Variants in GABRR1 observed in about 807,000 individuals in gnomAD.
The protein encoded by GABRR1 is gamma-aminobutyric acid type A receptor subunit rho1, also known as gamma-aminobutyric acid receptor subunit rho-1.
In GABRR1, 59 loss-of-function variants were observed where a neutral mutation model predicts 55.5. That is an observed-to-expected ratio of 1.06 (90% CI 0.86 to 1.32). GABRR1 has a LOEUF of 1.32. Ranked by LOEUF, GABRR1 falls within the 40% of genes most tolerant of loss-of-function variation. The pLI, the probability that GABRR1 is intolerant of heterozygous loss-of-function variation, is 0.00. For missense variants in GABRR1, 602 were observed against 619.1 expected (o/e 0.97, Z 0.29); for synonymous variants, 213 against 226.0 (o/e 0.94, Z 0.51).
intron 1 of GABRR1, among the ~76,000 whole-genome samples, chr6:89,206,001 TAAAGGCCACG>T (rs1270932010): frequency 6.6e-6 from 1 of 150,958 alleles, no homozygotes; most frequent in East Asian, 2.0e-4. Flanking sequence ...CTGATGTGCA[TAAAGGCCACG>T]AAAGGCCAAC....
intron 2 of GABRR1, among the ~76,000 whole-genome samples, chr6:89,202,677 CCT>C (rs1429150330): frequency 2.0e-5 from 3 of 151,610 alleles, no homozygotes; most frequent in African/African-American, 4.9e-5. Flanking sequence ...TTAGTTATCC[CCT>C]CTTTATTTTA....
rs1431677084 is a variant in GABRR1, at chr6:89,190,221, A to G, written c.599T>C (p.Met200Thr). The G allele has an allele frequency of 6.2e-7, 1 of 1,610,150 alleles. No homozygotes were observed. Among genetic ancestry groups the G allele is most frequent in the Admixed American group, 1.7e-5 (1 of 59,474 alleles). Reference sequence around the variant, plus strand: ...GTCCAAGGGAAATCGGCTGAAGTCCATGTTGCACATTGCAGTTACTGTAAC... The same window carrying G: ...GTCCAAGGGAAATCGGCTGAAGTCCGTGTTGCACATTGCAGTTACTGTAAC... ...LRVTVTAMCN[M>T]DFSRFPLDTQ... The change falls in exon 6 of 10, where the codon ATG becomes ACG. Residue 200 changes from methionine to threonine, a missense_variant. Met to Thr is a moderately conservative substitution (Grantham distance 81). Coordinates refer to ENST00000454853, the MANE Select transcript of GABRR1 (RefSeq NM_002042.5).
chr6:89,223,179 A>T (rs1460989338), intron 1 of GABRR1, among the ~76,000 whole-genome samples: 1 of 152,068 alleles, frequency 6.6e-6, no homozygotes, highest in Non-Finnish European at 1.5e-5. Flanking sequence ...CCCATTTTGT[A>T]GTCTTTTTAT....
At position 89,178,122 on chromosome 6, in the gene GABRR1, G is replaced by A. The variant is rs983324988; in HGVS notation, c.*648C>T. 6 of 152,492 alleles carry A rather than the reference G, an allele frequency of 3.9e-5. No individual in the cohort carries two copies. Among genetic ancestry groups the A allele is most frequent in the Non-Finnish European group, 7.3e-5 (5 of 68,320 alleles). The allele number at this position is 152,492 out of a possible 1,614,324, so 9.4% of individuals were successfully genotyped here. A position where few individuals can be genotyped will look rare whatever the true frequency, so the allele number is the denominator to read the frequency against. On this transcript the variant is annotated 3_prime_UTR_variant, in exon 10 of 10. Coordinates refer to ENST00000454853, the MANE Select transcript of GABRR1 (RefSeq NM_002042.5). ...TCTTATCTTCAAAGTTTCCCTACCA[G>A]GGAAAATTTCACCAAAATCAGAAGC...
intron 4 of GABRR1, 56 bp downstream of exon 4, chr6:89,199,306 C>T: frequency 1.3e-6 from 2 of 1,510,230 alleles, no homozygotes; most frequent in Non-Finnish European, 1.8e-6. Context: ...GAGCTCCTGG[C>T]CCTGGACCGG....
intron 8 of GABRR1, 144 bp from the exon 9 acceptor site, chr6:89,180,632 C>T: frequency 2.0e-6 from 2 of 1,001,720 alleles, no homozygotes; most frequent in South Asian, 1.7e-5. Flanking sequence ...AACACCTACA[C>T]ATCTTTCAAG....
intron 1 of GABRR1, among the ~76,000 whole-genome samples, chr6:89,211,010 T>G (rs146728610): frequency 2.6e-5 from 4 of 151,748 alleles, no homozygotes; most frequent in African/African-American, 9.7e-5. Context: ...GTCAGAGAAA[T>G]AAGAAAGAGA....
intron 1 of GABRR1, among the ~76,000 whole-genome samples, chr6:89,208,344 C>A (rs1463431953): frequency 6.6e-6 from 1 of 152,106 alleles, no homozygotes; most frequent in African/African-American, 2.4e-5. Context: ...TCCTTTGATT[C>A]CTTCCTAAGT....
At chr6:89,182,640 C>A (rs779641649) in intron 7 of GABRR1, among the ~76,000 whole-genome samples, 1 of 152,134 alleles carries the variant, frequency 6.6e-6, no homozygotes, top group Non-Finnish European at 1.5e-5. Context: ...GTTCAGCAAC[C>A]TCACCGTCAC....
At chr6:89,211,894 G>A (rs1772843203) in intron 1 of GABRR1, among the ~76,000 whole-genome samples, 1 of 152,078 alleles carries the variant, frequency 6.6e-6, no homozygotes. Context: ...CCCAAGGTCT[G>A]TCCTTGATCT....
chr6:89,228,846 A>G (rs1363820478), intron 1 of GABRR1, among the ~76,000 whole-genome samples: 1 of 152,016 alleles, frequency 6.6e-6, no homozygotes, highest in African/African-American at 2.4e-5. Flanking sequence ...CAATCTGTCT[A>G]ATGTTGACAG....
upstream of GABRR1, among the ~76,000 whole-genome samples, chr6:89,220,451 GC>G (rs1052627257): frequency 6.6e-5 from 10 of 152,206 alleles, no homozygotes; most frequent in African/African-American, 2.4e-4. Context: ...TTGGGCTTGA[GC>G]CAACCATGCA....
chr6:89,198,605 C>A (rs1158370717), intron 4 of GABRR1, among the ~76,000 whole-genome samples: 1 of 152,074 alleles, frequency 6.6e-6, no homozygotes, highest in African/African-American at 2.4e-5. Flanking sequence ...AGAGAGAAGG[C>A]GGTGGATACA....
chr6:89,200,249 T>C (rs1043633610), intron 3 of GABRR1, among the ~76,000 whole-genome samples: 1 of 140,638 alleles, frequency 7.1e-6, no homozygotes, highest in Admixed American at 7.2e-5. Context: ...CCCTTTTTTT[T>C]TTTTTTTTTT....
chr6:89,209,287 A>G (rs1220794424), intron 1 of GABRR1, among the ~76,000 whole-genome samples: 1 of 151,960 alleles, frequency 6.6e-6, no homozygotes, highest in East Asian at 1.9e-4. Context: ...AAAGCTCTGA[A>G]TTTTGTCTAC....
At chr6:89,225,366 A>C in intron 1 of GABRR1, among the ~76,000 whole-genome samples, 1 of 135,856 alleles carries the variant, frequency 7.4e-6, no homozygotes. Flanking sequence ...TGCACCCACT[A>C]ACTCGTCATC....
intron 4 of GABRR1, 107 bp downstream of exon 4, chr6:89,199,255 C>T (rs887398905): frequency 2.1e-4 from 201 of 977,414 alleles, no homozygotes; most frequent in Non-Finnish European, 3.0e-4. Context: ...GGATTCCCAC[C>T]GCCCAGGGCA....
At chr6:89,184,587 C>A (rs934602152) in intron 7 of GABRR1, among the ~76,000 whole-genome samples, 1 of 152,156 alleles carries the variant, frequency 6.6e-6, no homozygotes, top group African/African-American at 2.4e-5. Flanking sequence ...GGAGCGACCC[C>A]ACGGGGCTGG....
chr6:89,180,698 C>T (rs953720230), intron 8 of GABRR1, among the ~76,000 whole-genome samples: 2 of 152,154 alleles, frequency 1.3e-5, no homozygotes, highest in African/African-American at 2.4e-5. Flanking sequence ...CCTACCCTTT[C>T]GCCCCTCTGC....
Sources: gnomAD v4.1 joint callset for allele counts (sites outside exome capture counted in the v4.1 genomes callset) on GRCh38, gnomAD v4.1.1 for gene constraint, MANE v1.5 for transcripts, NCBI Gene and HGNC (gene_info 2026-07-23, HGNC 2026-07-21) for gene names.